The following OSBPL1A variants were observed in gnomAD, a reference collection of about 807,000 sequenced individuals.
The protein encoded by OSBPL1A is oxysterol-binding protein-related protein 1.
A neutral mutation model predicts 137.1 loss-of-function variants in OSBPL1A; 80 were observed. That is an observed-to-expected ratio of 0.58 (90% CI 0.49 to 0.70). The LOEUF (loss-of-function observed/expected upper bound fraction) is 0.70. Among genes scored for constraint, OSBPL1A ranks in the 30% least tolerant of loss-of-function variants. The probability of loss-of-function intolerance (pLI) is 0.00; values close to 1 mark genes in which losing one functional copy is unlikely to be tolerated. For synonymous variants in OSBPL1A, 365 were observed against 389.7 expected (o/e 0.94, Z 0.75); for missense variants, 970 against 1,129.4 (o/e 0.86, Z 2.02).
chr18:24,258,235 T>C (rs1217170616), intron 15 of OSBPL1A, among the ~76,000 whole-genome samples: 3 of 152,066 alleles, frequency 2.0e-5, no homozygotes, highest in African/African-American at 7.2e-5. Context: ...CATCAACAGA[T>C]GGATAAAGAA....
chr18:24,244,779 A>G (rs2088832096), intron 15 of OSBPL1A, among the ~76,000 whole-genome samples: 1 of 152,242 alleles, frequency 6.6e-6, no homozygotes, highest in African/African-American at 2.4e-5. Flanking sequence ...GTCATGTGCT[A>G]GCCAGCTACG....
chr18:24,250,199 T>C (rs1456141112), intron 15 of OSBPL1A, among the ~76,000 whole-genome samples: 1 of 143,658 alleles, frequency 7.0e-6, no homozygotes, highest in African/African-American at 2.5e-5. Flanking sequence ...TTTTTTGACA[T>C]GGAGTCTCAC....
chr18:24,272,112 C>T, intron 15 of OSBPL1A: 1 of 983,506 alleles, frequency 1.0e-6, no homozygotes, highest in Non-Finnish European at 1.2e-6. Context: ...GAAGCCTGCA[C>T]GGCCCTCCGA....
At chr18:24,353,359 C>T (rs1407498335) in intron 4 of OSBPL1A, among the ~76,000 whole-genome samples, 1 of 152,092 alleles carries the variant, frequency 6.6e-6, no homozygotes, top group African/African-American at 2.4e-5. Flanking sequence ...AAATCAAAAC[C>T]ACAATGAGAT....
chr18:24,358,500 C>A (rs1276305103), intron 4 of OSBPL1A: 1 of 702,360 alleles, frequency 1.4e-6, no homozygotes, highest in African/African-American at 1.7e-5. Context: ...CTCAGCTTCC[C>A]TGAGAACAGA....
chr18:24,215,844 G>A (rs1025881217), intron 17 of OSBPL1A, among the ~76,000 whole-genome samples: 2 of 152,208 alleles, frequency 1.3e-5, no homozygotes, highest in Non-Finnish European at 2.9e-5. Flanking sequence ...TCAAAATCTT[G>A]TGTTCACGTG....
chr18:24,373,368 G>A (rs988635602), intron 2 of OSBPL1A, among the ~76,000 whole-genome samples: 1 of 152,142 alleles, frequency 6.6e-6, no homozygotes, highest in Admixed American at 6.5e-5. Flanking sequence ...TACTTAGGTT[G>A]CTTCCAAAAT....
intron 15 of OSBPL1A, among the ~76,000 whole-genome samples, chr18:24,276,284 C>T (rs941396390): frequency 1.3e-5 from 2 of 152,128 alleles, no homozygotes; most frequent in African/African-American, 2.4e-5. Flanking sequence ...AACTCTCAGA[C>T]CAGGCTAAGA....
chr18:24,258,490 G>T (rs2089348748), intron 15 of OSBPL1A, among the ~76,000 whole-genome samples: 1 of 152,180 alleles, frequency 6.6e-6, no homozygotes, highest in Non-Finnish European at 1.5e-5. Context: ...TAGTGGGGCA[G>T]GGTTGGGGGA....
intron 17 of OSBPL1A, among the ~76,000 whole-genome samples, chr18:24,202,696 T>C (rs1348939928): frequency 6.6e-6 from 1 of 152,236 alleles, no homozygotes; most frequent in African/African-American, 2.4e-5. Context: ...TTAACAGGTA[T>C]TCCAGAACAA....
intron 15 of OSBPL1A, 133 bp from the exon 16 acceptor site, chr18:24,239,515 G>A (rs2088612902): frequency 3.6e-6 from 3 of 837,088 alleles, no homozygotes; most frequent in Non-Finnish European, 5.4e-6. Flanking sequence ...CGTGTCACAT[G>A]TGCATGGATG....
At chr18:24,259,618 G>T (rs2089391010) in intron 15 of OSBPL1A, among the ~76,000 whole-genome samples, 1 of 152,110 alleles carries the variant, frequency 6.6e-6, no homozygotes, top group African/African-American at 2.4e-5. Context: ...GGCCCAGACT[G>T]CCCGCCTCTC....
chr18:24,224,117 CACTAATCTTTTAAAAATAAATACAA>C (rs1314885419), intron 17 of OSBPL1A, among the ~76,000 whole-genome samples: 1 of 152,020 alleles, frequency 6.6e-6, no homozygotes, highest in Non-Finnish European at 1.5e-5. Context: ...ACCTAAAACT[CACTAATCTTTTAAAAATAAATACAA>C]ACTGAGACAT....
chr18:24,272,261 T>TC (rs926952705), intron 15 of OSBPL1A: 15 of 983,300 alleles, frequency 1.5e-5, no homozygotes, highest in Non-Finnish European at 1.7e-5. Flanking sequence ...TTTTCTTTTT[T>TC]TTTTTTTTTA....
chr18:24,178,539 C>A (rs530055468), intron 20 of OSBPL1A, among the ~76,000 whole-genome samples: 1 of 152,312 alleles, frequency 6.6e-6, no homozygotes, highest in South Asian at 2.1e-4. Flanking sequence ...GATCAACCCA[C>A]CTCAGCCTCC....
chr18:24,232,519 G>T (rs1318597742), intron 16 of OSBPL1A, among the ~76,000 whole-genome samples: 2 of 152,172 alleles, frequency 1.3e-5, no homozygotes, highest in Non-Finnish European at 2.9e-5. Flanking sequence ...ACATGTAATG[G>T]AACATGAGGA....
chr18:24,223,617 A>G (rs4800564), intron 17 of OSBPL1A, among the ~76,000 whole-genome samples: 76,247 of 151,872 alleles, frequency 0.5, 20,386 homozygotes, highest in East Asian at 0.73. Context: ...TCTGGGTTTG[A>G]CTTTAGAACA....
intron 4 of OSBPL1A, chr18:24,358,304 C>T (rs920371725): frequency 1.3e-5 from 8 of 603,178 alleles, no homozygotes; most frequent in African/African-American, 5.6e-5. Flanking sequence ...GGCTGCTCAT[C>T]CCCAACAGGG....
chr18:24,365,372 G>A (rs1437839984), intron 4 of OSBPL1A, among the ~76,000 whole-genome samples: 2 of 151,986 alleles, frequency 1.3e-5, no homozygotes, highest in Non-Finnish European at 2.9e-5. Context: ...ATCCTCTAAG[G>A]TCAGGAGTTC....
Sources: gnomAD v4.1 joint callset for allele counts (sites outside exome capture counted in the v4.1 genomes callset) on GRCh38, gnomAD v4.1.1 for gene constraint, MANE v1.5 for transcripts, NCBI Gene and HGNC (gene_info 2026-07-23, HGNC 2026-07-21) for gene names.